The following CLEC16A variants were observed in gnomAD, a reference collection of about 807,000 sequenced individuals.
CLEC16A encodes C-type lectin domain containing 16A.
Under a neutral mutation model 109.5 loss-of-function variants are expected in CLEC16A, and 51 were observed. The ratio of observed to expected loss-of-function variants is 0.47; its 90% confidence interval spans 0.37 to 0.59. CLEC16A has a LOEUF of 0.59. Ranked by LOEUF, CLEC16A falls within the 20% of genes least tolerant of loss-of-function variation. CLEC16A has a pLI of 0.00. For synonymous variants in CLEC16A, 673 were observed against 564.2 expected (o/e 1.19, Z -2.73); for missense variants, 1,339 against 1,394.0 (o/e 0.96, Z 0.63).
At chr16:11,140,197 A>G (rs534903518) in intron 22 of CLEC16A, among the ~76,000 whole-genome samples, 1 of 152,280 alleles carries the variant, frequency 6.6e-6, no homozygotes, top group South Asian at 2.1e-4. Flanking sequence ...CTTTCTGAGC[A>G]CGATGACCTC....
intron 19 of CLEC16A, among the ~76,000 whole-genome samples, chr16:11,106,409 C>T (rs1422054617): frequency 1.3e-5 from 2 of 151,666 alleles, no homozygotes; most frequent in Admixed American, 6.6e-5. Context: ...CCACTTCGGC[C>T]TCCGAAGCAG....
intron 11 of CLEC16A, among the ~76,000 whole-genome samples, chr16:11,017,001 G>A (rs954763432): frequency 1.2e-4 from 8 of 64,802 alleles, no homozygotes; most frequent in Middle Eastern, 5.2e-3. Context: ...ATATCGGGGC[G>A]GGGGGGGGGG....
chr16:10,953,739 G>A (rs1184391490), intron 1 of CLEC16A, among the ~76,000 whole-genome samples: 1 of 152,232 alleles, frequency 6.6e-6, no homozygotes, highest in East Asian at 1.9e-4. Context: ...CACTTTGGGA[G>A]GCTGAGGTAC....
intron 2 of CLEC16A, among the ~76,000 whole-genome samples, chr16:10,958,857 T>C (rs1567503357): frequency 6.6e-6 from 1 of 152,108 alleles, no homozygotes; most frequent in Non-Finnish European, 1.5e-5. Flanking sequence ...TGAGCCATGA[T>C]CTTGCCACTG....
chr16:10,969,159 A>T lies in CLEC16A; in HGVS notation c.344-2A>T. 1 of 1,605,670 alleles carries T rather than the reference A, an allele frequency of 6.2e-7. No homozygotes were observed. Among genetic ancestry groups the T allele is most frequent in the Admixed American group, 1.7e-5 (1 of 57,968 alleles). On this transcript the variant is annotated splice_acceptor_variant, in intron 3 of 23. Transcript: ENST00000409790. LOFTEE classifies it high-confidence loss of function. Reference sequence around the variant, plus strand: ...ACCTGTTTTGTTTTTTTCTCCCTCTAGATTATTTGCTCTCAAATAACTACG... The same window carrying T: ...ACCTGTTTTGTTTTTTTCTCCCTCTTGATTATTTGCTCTCAAATAACTACG...
chr16:11,103,522 A>G (rs994419321), intron 19 of CLEC16A, among the ~76,000 whole-genome samples: 2 of 152,152 alleles, frequency 1.3e-5, no homozygotes, highest in African/African-American at 4.8e-5. Flanking sequence ...GGAGGTTGCA[A>G]TAAGCCAGGA....
intron 10 of CLEC16A, among the ~76,000 whole-genome samples, chr16:10,995,830 G>C (rs2044294450): frequency 6.6e-6 from 1 of 152,132 alleles, no homozygotes; most frequent in South Asian, 2.1e-4. Flanking sequence ...TTTCTTAAGG[G>C]GAAAACCTTT....
intron 19 of CLEC16A, among the ~76,000 whole-genome samples, chr16:11,069,897 T>C (rs972862383): frequency 2.6e-5 from 4 of 152,230 alleles, no homozygotes; most frequent in Non-Finnish European, 4.4e-5. Context: ...TGGTAGGATG[T>C]GCATAGGTTA....
chr16:11,017,014 C>G, intron 11 of CLEC16A, among the ~76,000 whole-genome samples: 1 of 147,948 alleles, frequency 6.8e-6, no homozygotes. Context: ...GGGGGGGGTG[C>G]TCCTCCATGC....
chr16:11,010,150 TC>T (rs1377113887), intron 11 of CLEC16A, among the ~76,000 whole-genome samples: 1 of 113,950 alleles, frequency 8.8e-6, no homozygotes, highest in Non-Finnish European at 1.8e-5. Flanking sequence ...AGACCTTGTT[TC>T]TTAAAAAAAA....
chr16:11,146,570 AG>A (rs1285471252), intron 22 of CLEC16A, among the ~76,000 whole-genome samples: 1 of 146,946 alleles, frequency 6.8e-6, no homozygotes, highest in Non-Finnish European at 1.5e-5. Flanking sequence ...GTGGAGGGAG[AG>A]GGGATGGATG....
chr16:11,130,687 A>T (rs1315034860), intron 22 of CLEC16A, among the ~76,000 whole-genome samples: 1 of 152,158 alleles, frequency 6.6e-6, no homozygotes, highest in Non-Finnish European at 1.5e-5. Flanking sequence ...GGGCGTGACC[A>T]CTTCCCACCC....
chr16:11,131,282 TAG>T (rs1396450882), intron 22 of CLEC16A, among the ~76,000 whole-genome samples: 3 of 152,172 alleles, frequency 2.0e-5, no homozygotes, highest in Non-Finnish European at 4.4e-5. Context: ...CTTCTAGAGA[TAG>T]AATCTGTCAT....
At chr16:10,991,507 A>T (rs142984964) in intron 10 of CLEC16A, among the ~76,000 whole-genome samples, 21 of 152,172 alleles carry the variant, frequency 1.4e-4, no homozygotes, top group African/African-American at 4.6e-4. Flanking sequence ...AGGAACAGCA[A>T]AGGGCAATGT....
At chr16:10,959,476 C>G (rs1274067370) in intron 2 of CLEC16A, among the ~76,000 whole-genome samples, 1 of 152,218 alleles carries the variant, frequency 6.6e-6, no homozygotes, top group Admixed American at 6.5e-5. Context: ...ACCGCAACCT[C>G]TGCCTCCCAG....
intron 23 of CLEC16A, among the ~76,000 whole-genome samples, chr16:11,172,818 G>T (rs1423501284): frequency 1.3e-5 from 2 of 152,136 alleles, no homozygotes; most frequent in Non-Finnish European, 2.9e-5. Context: ...GAACCCGGGA[G>T]GCAGAGGTTG....
At chr16:11,110,042 A>G (rs1180952623) in intron 19 of CLEC16A, among the ~76,000 whole-genome samples, 1 of 152,194 alleles carries the variant, frequency 6.6e-6, no homozygotes, top group Non-Finnish European at 1.5e-5. Context: ...AAAATACAGC[A>G]AAAGTCAGTC....
In CLEC16A at chr16:11,154,722, C is replaced by T. The variant is rs542850128; in HGVS notation, c.2642-11666C>T. Among the ~76,000 whole-genome samples the T allele has an allele frequency of 4.0e-5, 6 of 151,420 alleles. No homozygotes were observed. The South Asian group carries it at 1.0e-3, about 26-fold the overall frequency. ...GGCGGATCACCTGAGGTCAGGAGTT[C>T]GAGACCAGCCTGACCAACATGGTGA... On this transcript the variant is annotated intron_variant, in intron 22 of 23. Coordinates refer to ENST00000409790, the MANE Select transcript of CLEC16A (RefSeq NM_015226.3).
At position 11,120,746 on chromosome 16, in the gene CLEC16A, A is replaced by C; in HGVS notation, c.2248A>C (p.Lys750Gln). Residue 750 changes from lysine to glutamine, a missense_variant, in exon 20 of 24, where the codon AAG becomes CAG. By Grantham distance (53) the Lys-to-Gln change is moderately conservative (BLOSUM62 1). Coordinates refer to ENST00000409790, the MANE Select transcript of CLEC16A (RefSeq NM_015226.3). Reference sequence around the variant, plus strand: ...GTCCAGGCTTGGCTGGGGAGTGGTCAAGTTTGCAGGCCTATTGCAGGTAAG... The same window carrying C: ...GTCCAGGCTTGGCTGGGGAGTGGTCCAGTTTGCAGGCCTATTGCAGGTAAG... The part of the protein sequence containing the change: ...DVSRLGWGVV[K>Q]FAGLLQDMQV... 6.4e-7 allele frequency: 1 copy of C among 1,567,204 alleles called. No homozygotes were observed. The highest frequency in any genetic ancestry group is 8.7e-7 in the Non-Finnish European group (1 of 1,154,778).
Sources: allele counts gnomAD v4.1 joint callset (sites outside exome capture counted in the v4.1 genomes callset), GRCh38; gene constraint gnomAD v4.1.1; transcripts MANE v1.5; gene names NCBI Gene and HGNC (gene_info 2026-07-23, HGNC 2026-07-21).